FANCB: variants seen among roughly 807,000 people sequenced by gnomAD.
FANCB encodes FA complementation group B, also known as Fanconi anemia group B protein.
In FANCB, 5 loss-of-function variants were observed where a neutral mutation model predicts 38.9. The ratio of observed to expected loss-of-function variants is 0.13; its 90% CI spans 0.07 to 0.27. FANCB has a LOEUF of 0.27. FANCB is among the 10% of genes least tolerant of loss of function. The probability of loss-of-function intolerance (pLI) is 1.00; values close to 1 mark genes in which losing one functional copy is unlikely to be tolerated. For missense variants in FANCB, 573 were observed against 602.7 expected (o/e 0.95, Z 0.52); for synonymous variants, 236 against 215.4 (o/e 1.10, Z -0.84).
chrX:14,830,376 G>A, the FANCB span, among the ~76,000 whole-genome samples: 1 of 111,418 alleles, frequency 9.0e-6, no homozygotes, highest in African/African-American at 3.3e-5. Flanking sequence ...ATGCAGGGTT[G>A]TGGAGCTTTC....
the FANCB span, among the ~76,000 whole-genome samples, chrX:14,812,491 T>A: frequency 9.0e-6 from 1 of 111,679 alleles, no homozygotes; most frequent in East Asian, 2.8e-4. Context: ...ATATCACCAC[T>A]GATCCCACAG....
the FANCB span, among the ~76,000 whole-genome samples, chrX:14,785,210 A>C: frequency 8.9e-6 from 1 of 112,088 alleles, no homozygotes; most frequent in Admixed American, 9.4e-5. Flanking sequence ...CAGTGGGCCC[A>C]CCTAGATAAT....
At chrX:14,773,851 A>G in the FANCB span, among the ~76,000 whole-genome samples, 1 of 110,814 alleles carries the variant, frequency 9.0e-6, no homozygotes. Flanking sequence ...ACATCTCTAC[A>G]CCCATTGAGG....
At chrX:14,719,335 G>A in the FANCB span, among the ~76,000 whole-genome samples, 1 of 111,244 alleles carries the variant, frequency 9.0e-6, no homozygotes, top group Non-Finnish European at 1.9e-5. Flanking sequence ...AATATACAAG[G>A]AGCTCAAACA....
chrX:14,760,991 A>G, the FANCB span, among the ~76,000 whole-genome samples: 1 of 110,917 alleles, frequency 9.0e-6, no homozygotes, highest in Non-Finnish European at 1.9e-5. Context: ...CAACCACAAC[A>G]ACAACAAAAA....
the FANCB span, among the ~76,000 whole-genome samples, chrX:14,719,930 A>G: frequency 8.9e-6 from 1 of 111,960 alleles, no homozygotes; most frequent in Non-Finnish European, 1.9e-5. Flanking sequence ...TGTTAAGGGA[A>G]ATAAGTCAGG....
chrX:14,717,250 T>A, the FANCB span, among the ~76,000 whole-genome samples: 2 of 108,725 alleles, frequency 1.8e-5, no homozygotes, highest in Non-Finnish European at 3.8e-5. Flanking sequence ...TTTCAGTGCA[T>A]CAAGGTGAGA....
rs375878688 is a variant in FANCB at position 14,837,440 on chromosome X, C to T, written c.*1567-1185G>A. Among the ~76,000 whole-genome samples, 3 of 112,233 alleles carry T rather than the reference C, an allele frequency of 2.7e-5. No individual in the cohort carries two copies. The East Asian group carries it at 8.4e-4, about 31-fold the overall frequency. ...AATGGTAATGCAATAATTCTGGAGA[C>T]TGGTGGTTCTAACAAAGAAAACTGA... On this transcript the variant is annotated intron_variant and NMD_transcript_variant, in intron 10 of 10. Transcript: ENST00000643728.
At chrX:14,858,871 A>G (rs754549112) in intron 4 of FANCB, among the ~76,000 whole-genome samples, 1 of 111,505 alleles carries the variant, frequency 9.0e-6, no homozygotes, top group Non-Finnish European at 1.9e-5. Context: ...ATTTAATCCA[A>G]TATTATATTT....
At chrX:14,765,352 A>G in the FANCB span, among the ~76,000 whole-genome samples, 817 of 111,875 alleles carry the variant, frequency 7.3e-3, 10 homozygotes, top group African/African-American at 0.025. Flanking sequence ...ATTTAAGGCC[A>G]CTTGTTTAGG....
At chrX:14,820,854 T>G in the FANCB span, among the ~76,000 whole-genome samples, 2 of 111,839 alleles carry the variant, frequency 1.8e-5, no homozygotes, top group East Asian at 5.6e-4. Flanking sequence ...ACAGGAACTC[T>G]ATGCTATTTT....
chrX:14,745,585 C>T, the FANCB span, among the ~76,000 whole-genome samples: 1 of 109,914 alleles, frequency 9.1e-6, no homozygotes, highest in African/African-American at 3.3e-5. Context: ...AACACCTTCC[C>T]CTCCTTGGTT....
the FANCB span, among the ~76,000 whole-genome samples, chrX:14,751,331 G>A: frequency 2.7e-5 from 3 of 112,486 alleles, no homozygotes; most frequent in African/African-American, 9.7e-5. Context: ...CTGTAGCTAC[G>A]TGCACCAATA....
intron 2 of FANCB, among the ~76,000 whole-genome samples, chrX:14,867,781 A>C (rs1256957084): frequency 9.0e-6 from 1 of 111,062 alleles, no homozygotes; most frequent in Admixed American, 9.6e-5. Context: ...AAAAAAAGTA[A>C]AGAGACAACC....
At chrX:14,854,801 C>A (rs2092416853) in intron 5 of FANCB, among the ~76,000 whole-genome samples, 2 of 111,721 alleles carry the variant, frequency 1.8e-5, no homozygotes, top group Admixed American at 9.5e-5. Context: ...TGCCCAGGGG[C>A]CCTCCACAAT....
At chrX:14,806,073 T>G in the FANCB span, among the ~76,000 whole-genome samples, 36 of 112,109 alleles carry the variant, frequency 3.2e-4, no homozygotes, top group Non-Finnish European at 3.9e-4. Flanking sequence ...AGTTAAAGAC[T>G]GGGTTAGGCA....
the FANCB span, among the ~76,000 whole-genome samples, chrX:14,790,933 T>C: frequency 8.1e-5 from 9 of 110,743 alleles, no homozygotes; most frequent in Non-Finnish European, 1.7e-4. Context: ...AAAGACAGAA[T>C]ACCTCCTAGA....
intron 6 of FANCB, among the ~76,000 whole-genome samples, chrX:14,852,270 G>C (rs1454833354): frequency 2.8e-5 from 3 of 108,483 alleles, no homozygotes; most frequent in African/African-American, 1.0e-4. Context: ...CCAGGTTCAA[G>C]TTATTCTCCT....
intron 4 of FANCB, 129 bp downstream of exon 4, chrX:14,859,053 A>G (rs978692133): frequency 2.3e-6 from 1 of 431,135 alleles, no homozygotes; most frequent in African/African-American, 2.5e-5. Flanking sequence ...GATTCAATCT[A>G]TATATTTTTA....
Sources: allele counts gnomAD v4.1 joint callset (sites outside exome capture counted in the v4.1 genomes callset), GRCh38; gene constraint gnomAD v4.1.1; transcripts MANE v1.5; gene names NCBI Gene and HGNC (gene_info 2026-07-23, HGNC 2026-07-21).